DDX50: variants seen among roughly 807,000 people sequenced by gnomAD.
DDX50 encodes DExD-box helicase 50.
DDX50 carries 56 observed loss-of-function variants against 94.8 expected under a neutral mutation model. The ratio of observed to expected loss-of-function variants is 0.59; its 90% CI spans 0.48 to 0.74. The LOEUF (loss-of-function observed/expected upper bound fraction) is 0.74, where lower values mean the gene tolerates loss of function less well. DDX50 is among the 30% of genes least tolerant of loss of function. The pLI, the probability that DDX50 is intolerant of heterozygous loss-of-function variation, is 0.00. For synonymous variants in DDX50, 264 were observed against 295.4 expected (o/e 0.89, Z 1.09); for missense variants, 713 against 881.2 (o/e 0.81, Z 2.42).
chr10:68,927,139 T>C (rs1842114727), intron 8 of DDX50, among the ~76,000 whole-genome samples: 1 of 152,020 alleles, frequency 6.6e-6, no homozygotes, highest in Admixed American at 6.6e-5. Context: ...CTCGAACTCT[T>C]AGCCTCAAGC....
chr10:68,907,435 C>T (rs563104060), intron 2 of DDX50, among the ~76,000 whole-genome samples: 2 of 151,098 alleles, frequency 1.3e-5, no homozygotes, highest in South Asian at 4.2e-4. Flanking sequence ...CCTGAGTCAG[C>T]CTCTCAAGTA....
chr10:68,922,909 A>T (rs1333479290), intron 8 of DDX50, among the ~76,000 whole-genome samples: 3 of 148,564 alleles, frequency 2.0e-5, no homozygotes, highest in Non-Finnish European at 4.5e-5. Flanking sequence ...CTCCTGCCTC[A>T]GCCTCCTGAG....
rs149537865 is a variant in DDX50 at position 68,901,401 on chromosome 10, T to C, written c.17T>C (p.Leu6Pro). The C allele has an allele frequency of 1.6e-5, 25 of 1,564,824 alleles. No individual in the cohort carries two copies. In the Admixed American group the frequency reaches 1.9e-4, roughly 12 times the overall value. Reference sequence around the variant, plus strand: ...TGGCCAGTAATGCCTGGGAAACTCCTCTGGGGGGACATTATGGAGCTGGAA... The same window carrying C: ...TGGCCAGTAATGCCTGGGAAACTCCCCTGGGGGGACATTATGGAGCTGGAA... MPGKL[L>P]WGDIMELEAP... Residue 6 changes from leucine (L) to proline (P), a missense_variant, in exon 1 of 15, where the codon CTC becomes CCC. By Grantham distance (98) the Leu-to-Pro change is moderately conservative (BLOSUM62 -3). Around this residue, in one of 2 missense-constraint regions of DDX50, gnomAD observed 285 missense variants for 278.9 expected, o/e 1.02. Transcript: ENST00000373585.
rs1841696166 is a variant in DDX50, at chr10:68,913,511, A to T, written c.878A>T (p.Asp293Val). The T allele has an allele frequency of 6.2e-7, 1 of 1,614,076 alleles. No individual in the cohort carries two copies. Among genetic ancestry groups the T allele is most frequent in the Non-Finnish European group, 8.5e-7 (1 of 1,180,004 alleles). ...CGACATGTTGTGCTTGATGAAGTGG[A>T]TCAGATGTTAGATTTAGGTTTCGCT... is the stretch of plus-strand genomic sequence containing the variant. ...KLRHVVLDEVDQMLDLGFAEQ... is the reference protein window; with the variant it reads ...KLRHVVLDEVVQMLDLGFAEQ... Residue 293 changes from aspartate to valine, a missense_variant, in exon 6 of 15, where the codon GAT (aspartate) becomes GTT (valine). Asp to Val is a radical substitution (Grantham distance 152). Around this residue, in one of 2 missense-constraint regions of DDX50, gnomAD observed 428 missense variants for 602.3 expected, o/e 0.71. Coordinates refer to ENST00000373585, the MANE Select transcript of DDX50 (RefSeq NM_024045.2).
chr10:68,937,454 TCAGTA>T (rs1217959146), intron 12 of DDX50, among the ~76,000 whole-genome samples: 1 of 152,192 alleles, frequency 6.6e-6, no homozygotes, highest in Non-Finnish European at 1.5e-5. Flanking sequence ...TGGTGATGTT[TCAGTA>T]CATCCGTACA....
Position 68,934,105 on chromosome 10 carries a change from A to T in DDX50, c.1240-94A>T. ...TGTTAAAATCATCAAAGTAAGATTT[A>T]AAAACATGCAAAAGGAGCACAGACT... On this transcript the variant is annotated intron_variant, in intron 8 of 14. Coordinates refer to ENST00000373585, the MANE Select transcript of DDX50 (RefSeq NM_024045.2). The surrounding 1 kb of genome is among the most constrained non-coding windows in gnomAD (Gnocchi z 4.0). The T allele has an allele frequency of 2.4e-6, 3 of 1,272,114 alleles. No homozygotes were observed. Among genetic ancestry groups the T allele is most frequent in the African/African-American group, 1.5e-5 (1 of 65,456 alleles). 78.8% of individuals were successfully genotyped at this position (1,272,114 alleles called of 1,614,324 possible).
chr10:68,933,193 C>T lies in DDX50; in HGVS notation c.1240-1006C>T, dbSNP rs1475239072. ...AAGCTATTCTCCTGTCTCAGCCTCC[C>T]AAGTAGCTGGAATTACAGGTGCCTG... On this transcript the variant is annotated intron_variant, in intron 8 of 14. Coordinates refer to ENST00000373585, the MANE Select transcript of DDX50 (RefSeq NM_024045.2). 3.3e-5 allele frequency among the ~76,000 whole-genome samples: 5 copies of T among 152,044 alleles called. No individual in the cohort carries two copies. The East Asian group carries it at 7.7e-4, about 23-fold the overall frequency.
chr10:68,944,871 T>TG (rs1397266760), intron 14 of DDX50, among the ~76,000 whole-genome samples: 1 of 152,092 alleles, frequency 6.6e-6, no homozygotes, highest in East Asian at 1.9e-4. Flanking sequence ...TAAATAGAGA[T>TG]GGGGTCTTGC....
intron 2 of DDX50, among the ~76,000 whole-genome samples, chr10:68,907,729 T>C (rs10823268): frequency 0.23 from 27,818 of 121,252 alleles, 3,151 homozygotes; most frequent in East Asian, 0.57. Flanking sequence ...TGTTATGGCC[T>C]TTTTTTTTTT....
At position 68,946,675 on chromosome 10, in the gene DDX50, C is replaced by T. The variant is rs1327319337; in HGVS notation, c.*45C>T. 3.2e-6 allele frequency: 5 copies of T among 1,580,974 alleles called. No homozygotes were observed. Among genetic ancestry groups the T allele is most frequent in the Non-Finnish European group, 4.3e-6 (5 of 1,161,428 alleles). The stretch of plus-strand genomic sequence containing the variant: ...CCAGTGTGAGCTTGCCTATTTCTGC[C>T]TAATCATGTACATTATCCACCAAAA... On this transcript the variant is annotated 3_prime_UTR_variant, in exon 15 of 15. Transcript: ENST00000373585.
chr10:68,907,061 T>G lies in DDX50; in HGVS notation c.384+54T>G, dbSNP rs531833549. Reference sequence around the variant, plus strand: ...CATTGTTGTTGAACTATAGGTTGATTTGAATTTTTTTAGGCTAATTAGAAT... The same window carrying G: ...CATTGTTGTTGAACTATAGGTTGATGTGAATTTTTTTAGGCTAATTAGAAT... On this transcript the variant is annotated intron_variant, in intron 2 of 14. Coordinates refer to ENST00000373585, the MANE Select transcript of DDX50 (RefSeq NM_024045.2). The G allele has an allele frequency of 9.3e-6, 14 of 1,511,336 alleles. No individual in the cohort carries two copies. In the Admixed American group the frequency reaches 3.2e-4, roughly 35 times the overall value. The allele number at this position is 1,511,336 out of a possible 1,614,324, so 93.6% of individuals were successfully genotyped here.
intron 7 of DDX50, among the ~76,000 whole-genome samples, chr10:68,915,758 T>C (rs1426347490): frequency 2.6e-5 from 4 of 151,780 alleles, no homozygotes; most frequent in Admixed American, 1.3e-4. Context: ...ATATTTACCG[T>C]ATTTATGACA....
intron 14 of DDX50, among the ~76,000 whole-genome samples, chr10:68,945,408 G>A (rs1842648598): frequency 6.6e-6 from 1 of 151,980 alleles, no homozygotes; most frequent in Non-Finnish European, 1.5e-5. Flanking sequence ...CCAGGTTCAA[G>A]CAATTCTCCT....
At chr10:68,914,321 T>TC in intron 7 of DDX50, 117 bp downstream of exon 7, 2 of 1,110,378 alleles carry the variant, frequency 1.8e-6, no homozygotes, top group Non-Finnish European at 2.6e-6. Flanking sequence ...CCTTTTCTGC[T>TC]CTTAGTAAGA....
chr10:68,939,532 T>C (rs535397728), intron 12 of DDX50, among the ~76,000 whole-genome samples: 4 of 152,300 alleles, frequency 2.6e-5, no homozygotes, highest in East Asian at 1.9e-4. Flanking sequence ...TCATGTCTTA[T>C]CACTCTCCCC....
chr10:68,918,300 A>G (rs1841854168), intron 7 of DDX50, among the ~76,000 whole-genome samples: 1 of 152,062 alleles, frequency 6.6e-6, no homozygotes, highest in African/African-American at 2.4e-5. Flanking sequence ...AAAACTAACC[A>G]TTTTAAAGTA....
rs933318120 is a variant in DDX50, at chr10:68,934,115, A to G, written c.1240-84A>G. On this transcript the variant is annotated intron_variant, in intron 8 of 14. Coordinates refer to ENST00000373585, the MANE Select transcript of DDX50 (RefSeq NM_024045.2). The surrounding 1 kb of genome is among the most constrained non-coding windows in gnomAD (Gnocchi z 4.0). The stretch of plus-strand genomic sequence containing the variant: ...ATCAAAGTAAGATTTAAAAACATGC[A>G]AAAGGAGCACAGACTAGATGTTGTT... 3.7e-6 allele frequency: 5 copies of G among 1,352,052 alleles called. No individual in the cohort carries two copies. Among genetic ancestry groups the G allele is most frequent in the Non-Finnish European group, 5.0e-6 (5 of 1,009,822 alleles). 83.8% of individuals were successfully genotyped at this position (1,352,052 alleles called of 1,614,324 possible). A position where few individuals can be genotyped will look rare whatever the true frequency, so the allele number is the denominator to read the frequency against.
At chr10:68,914,320 C>T (rs1841720396) in intron 7 of DDX50, 116 bp downstream of exon 7, 7 of 1,128,672 alleles carry the variant, frequency 6.2e-6, no homozygotes, top group Non-Finnish European at 7.7e-6. Flanking sequence ...TCCTTTTCTG[C>T]TCTTAGTAAG....
chr10:68,925,256 A>T (rs1450994147), intron 8 of DDX50, among the ~76,000 whole-genome samples: 1 of 151,172 alleles, frequency 6.6e-6, no homozygotes, highest in African/African-American at 2.4e-5. Flanking sequence ...GGCATGCGCC[A>T]CCATGCCCAA....
Sources: gnomAD v4.1 joint callset for allele counts (sites outside exome capture counted in the v4.1 genomes callset) on GRCh38, gnomAD v4.1.1 for gene constraint, gnomAD v4.1.1 regional missense constraint, Gnocchi (gnomAD v3.1) non-coding constraint, MANE v1.5 for transcripts, NCBI Gene and HGNC (gene_info 2026-07-23, HGNC 2026-07-21) for gene names.